The following CACNA1C variants were observed in gnomAD, a reference collection of about 807,000 sequenced individuals.
CACNA1C encodes voltage-dependent L-type calcium channel subunit alpha-1C.
Under a neutral mutation model 229.0 loss-of-function variants are expected in CACNA1C, and 30 were observed. The ratio of observed to expected loss-of-function variants is 0.13; its 90% CI spans 0.10 to 0.18. The LOEUF (loss-of-function observed/expected upper bound fraction) is 0.18, where lower values mean the gene tolerates loss of function less well. Ranked by LOEUF, CACNA1C falls within the 10% of genes least tolerant of loss-of-function variation. The probability of loss-of-function intolerance (pLI) is 1.00; values close to 1 mark genes in which losing one functional copy is unlikely to be tolerated. For synonymous variants in CACNA1C, 1,114 were observed against 1,132.5 expected, an observed-to-expected ratio of 0.98 and a Z score of 0.33; for missense variants, 1,658 against 2,845.0, an observed-to-expected ratio of 0.58 and a Z score of 9.49.
chr12:2,463,570 G>A (rs2099530172), intron 5 of CACNA1C, among the ~76,000 whole-genome samples: 2 of 152,244 alleles, frequency 1.3e-5, no homozygotes, highest in Non-Finnish European at 2.9e-5. Context: ...ACTTTGGGGA[G>A]TGGTGATAGA....
chr12:2,082,503 G>T (rs768910886), intron 1 of CACNA1C, among the ~76,000 whole-genome samples: 8 of 152,126 alleles, frequency 5.3e-5, no homozygotes, highest in Non-Finnish European at 8.8e-5. Flanking sequence ...AACACCCCCC[G>T]CATGGTGTTG....
chr12:2,279,641 C>T (rs77173732), intron 3 of CACNA1C, among the ~76,000 whole-genome samples: 6,531 of 152,248 alleles, frequency 0.043, 173 homozygotes, highest in Middle Eastern at 0.065. Context: ...AGTCCAGTGT[C>T]CTTTTGACTG....
chr12:2,353,003 G>T (rs1364646570), intron 3 of CACNA1C, among the ~76,000 whole-genome samples: 2 of 152,212 alleles, frequency 1.3e-5, no homozygotes, highest in African/African-American at 4.8e-5. Context: ...GAAAAGGGGG[G>T]ATTGTTATTT....
Position 2,108,578 on chromosome 12 carries a change from C to T in CACNA1C, c.50-6646C>T, listed in dbSNP as rs938818274. On this transcript the variant is annotated intron_variant, in intron 1 of 46. Coordinates refer to ENST00000399655, the MANE Select transcript of CACNA1C (RefSeq NM_000719.7). This position sits in a 1 kb window ranked among gnomAD's most constrained non-coding sequence, Gnocchi z 5.3. ...GAGCCATTGTGTTTAGCCCTCTGGC[C>T]CCTGCAGTCCAGCGGGGCACCGTAG... Among the ~76,000 whole-genome samples, 3 of 152,202 alleles carry T rather than the reference C, an allele frequency of 2.0e-5. No homozygotes were observed. Among genetic ancestry groups the T allele is most frequent in the African/African-American group, 7.2e-5 (3 of 41,446 alleles).
intron 3 of CACNA1C, among the ~76,000 whole-genome samples, chr12:2,420,102 GGTGTGTGTGTGTGTGTGTGTGTGT>G (rs564990323): frequency 8.0e-6 from 1 of 125,430 alleles, no homozygotes; most frequent in Non-Finnish European, 1.6e-5. Context: ...TAGGCAAAAT[GGTGTGTGTGTGTGTGTGTGTGTGT>G]GTGTGTGTGT....
chr12:2,524,277 G>A (rs1024253200), intron 9 of CACNA1C, among the ~76,000 whole-genome samples: 10 of 152,266 alleles, frequency 6.6e-5, no homozygotes, highest in African/African-American at 1.4e-4. Flanking sequence ...GTCCCAACAG[G>A]GCACCCAGAA....
At chr12:2,506,032 A>G (rs1229427774) in intron 8 of CACNA1C, among the ~76,000 whole-genome samples, 1 of 152,150 alleles carries the variant, frequency 6.6e-6, no homozygotes, top group African/African-American at 2.4e-5. Context: ...AGCTGCCCTA[A>G]TGCAGTTCAG....
chr12:2,542,448 G>C (rs2099872977), intron 9 of CACNA1C, among the ~76,000 whole-genome samples: 1 of 152,188 alleles, frequency 6.6e-6, no homozygotes, highest in Non-Finnish European at 1.5e-5. Context: ...CTCTGACATT[G>C]CCCATTTTTT....
chr12:2,450,406 T>C (rs1413411964), intron 4 of CACNA1C, among the ~76,000 whole-genome samples: 3 of 151,440 alleles, frequency 2.0e-5, no homozygotes, highest in Non-Finnish European at 2.9e-5. Flanking sequence ...TACAAAAACT[T>C]AGCCGGGCGA....
At chr12:2,140,954 T>A (rs2094116490) in intron 3 of CACNA1C, among the ~76,000 whole-genome samples, 1 of 151,128 alleles carries the variant, frequency 6.6e-6, no homozygotes, top group Non-Finnish European at 1.5e-5. Flanking sequence ...GATGGAGAGT[T>A]CCAGGGTAAG....
In CACNA1C at chr12:2,566,102, TA is replaced by T. The variant is rs914741496; in HGVS notation, c.1509-313del. On this transcript the variant is annotated intron_variant, in intron 11 of 46. Coordinates refer to ENST00000399655, the MANE Select transcript of CACNA1C (RefSeq NM_000719.7). The surrounding 1 kb of genome is among the most constrained non-coding windows in gnomAD (Gnocchi z 4.0). ...TCTAAGAATGCTGTTTCACAAAAAT[TA>T]AAAAAACTTCCATTTATTGAGCATC... 7.9e-5 allele frequency among the ~76,000 whole-genome samples: 12 copies of T among 152,310 alleles called. No individual in the cohort carries two copies. In the East Asian group the frequency reaches 2.1e-3, roughly 27 times the overall value.
At chr12:2,413,086 C>T (rs1384272865) in intron 3 of CACNA1C, among the ~76,000 whole-genome samples, 2 of 152,162 alleles carry the variant, frequency 1.3e-5, no homozygotes, top group Non-Finnish European at 2.9e-5. Flanking sequence ...GGCGTGATCT[C>T]GGCTCACTGC....
In CACNA1C at chr12:2,653,158, C is replaced by T. The variant is rs2095193290; in HGVS notation, c.4075-677C>T. Among the ~76,000 whole-genome samples, 3 of 152,224 alleles carry T rather than the reference C, an allele frequency of 2.0e-5. No homozygotes were observed. Among genetic ancestry groups the T allele is most frequent in the Admixed American group, 6.5e-5 (1 of 15,290 alleles). On this transcript the variant is annotated intron_variant, in intron 32 of 46. Coordinates refer to ENST00000399655, the MANE Select transcript of CACNA1C (RefSeq NM_000719.7). The surrounding 1 kb of genome is among the most constrained non-coding windows in gnomAD (Gnocchi z 4.7). ...CAGATAATGCATGGAGCGAATAGAGCGTATGGAACCCAGCTCTGCAAGGCA... is the reference window on the plus strand; with the variant it reads ...CAGATAATGCATGGAGCGAATAGAGTGTATGGAACCCAGCTCTGCAAGGCA...
intron 1 of CACNA1C, among the ~76,000 whole-genome samples, chr12:1,999,114 C>T (rs777094540): frequency 1.1e-4 from 17 of 152,204 alleles, no homozygotes; most frequent in Non-Finnish European, 2.4e-4. Context: ...ATTAGAAATG[C>T]AAGCTCTTGG....
intron 3 of CACNA1C, among the ~76,000 whole-genome samples, chr12:2,365,803 A>G (rs2097705226): frequency 6.6e-6 from 1 of 152,258 alleles, no homozygotes; most frequent in Non-Finnish European, 1.5e-5. Context: ...CACATTGTAA[A>G]TCAAGGGGCG....
At chr12:2,580,167 A>G (rs2059987291) in intron 13 of CACNA1C, among the ~76,000 whole-genome samples, 1 of 152,250 alleles carries the variant, frequency 6.6e-6, no homozygotes, top group Non-Finnish European at 1.5e-5. Flanking sequence ...AAGACTGTAT[A>G]GAACAGATAC....
At chr12:2,427,645 G>C (rs2154557665) in intron 3 of CACNA1C, among the ~76,000 whole-genome samples, 1 of 152,078 alleles carries the variant, frequency 6.6e-6, no homozygotes, top group East Asian at 1.9e-4. Context: ...TTTTGAGATG[G>C]AGTTTCACGC....
At chr12:2,171,181 A>G (rs1415174511) in intron 3 of CACNA1C, among the ~76,000 whole-genome samples, 1 of 152,180 alleles carries the variant, frequency 6.6e-6, no homozygotes, top group Non-Finnish European at 1.5e-5. Flanking sequence ...GGGCAGCCTG[A>G]CCTGTCAGGG....
At chr12:2,238,808 G>A (rs1367832473) in intron 3 of CACNA1C, among the ~76,000 whole-genome samples, 6 of 152,178 alleles carry the variant, frequency 3.9e-5, no homozygotes, top group Non-Finnish European at 7.3e-5. Flanking sequence ...AATCTGCCTG[G>A]TTAAGGCTGA....
Sources: allele counts gnomAD v4.1 joint callset (sites outside exome capture counted in the v4.1 genomes callset), GRCh38; gene constraint gnomAD v4.1.1; non-coding constraint Gnocchi (gnomAD v3.1); transcripts MANE v1.5; gene names NCBI Gene and HGNC (gene_info 2026-07-23, HGNC 2026-07-21).